The following VPS13B variants were observed in gnomAD, a reference collection of about 807,000 sequenced individuals.
The protein encoded by VPS13B is vacuolar protein sorting 13 homolog B.
VPS13B carries 285 observed loss-of-function variants against 426.4 expected under a neutral mutation model. That is an observed-to-expected ratio of 0.67 (90% CI 0.61 to 0.74). The LOEUF (loss-of-function observed/expected upper bound fraction) is 0.74, where lower values mean the gene tolerates loss of function less well. VPS13B is among the 30% of genes least tolerant of loss of function. The pLI is 0.00. For missense variants in VPS13B, 4,537 were observed against 4,782.6 expected, an observed-to-expected ratio of 0.95 and a Z score of 1.51; for synonymous variants, 1,676 against 1,676.4, an observed-to-expected ratio of 1.00 and a Z score of 0.01.
Position 99,861,804 on chromosome 8 carries a change from C to A in VPS13B, c.11073C>A (p.Ala3691=). 6.3e-7 allele frequency: 1 copy of A among 1,598,652 alleles called. No individual in the cohort carries two copies. The highest frequency in any genetic ancestry group is 8.5e-7 in the Non-Finnish European group (1 of 1,172,766). Residue 3691 remains alanine (A), a synonymous_variant, in exon 58 of 62, where the codon GCC becomes GCA. Transcript: ENST00000357162. ...KGTLTSITNL[A]TSLARNMDRL... is the part of the protein sequence containing the mutation. ...CCCTCACATCCATCACCAACCTCGC[C>A]ACAAGCCTGGCCCGGAACATGGACC...
chr8:99,606,024 C>A (rs541618144), intron 33 of VPS13B, among the ~76,000 whole-genome samples: 6 of 152,158 alleles, frequency 3.9e-5, no homozygotes, highest in African/African-American at 9.6e-5. Context: ...GCCTCCTGAG[C>A]AGCTGGGACT....
intron 17 of VPS13B, among the ~76,000 whole-genome samples, chr8:99,235,697 G>A (rs962978729): frequency 1.1e-4 from 17 of 152,140 alleles, no homozygotes; most frequent in African/African-American, 3.6e-4. Flanking sequence ...TAAGTGATGC[G>A]TTACATTAAA....
intron 25 of VPS13B, among the ~76,000 whole-genome samples, chr8:99,493,249 A>G (rs925057059): frequency 1.3e-5 from 2 of 152,054 alleles, no homozygotes; most frequent in Non-Finnish European, 2.9e-5. Flanking sequence ...TTTTTTTCTT[A>G]TAATAGCCTT....
chr8:99,409,286 G>C (rs551487923), intron 21 of VPS13B, among the ~76,000 whole-genome samples: 1 of 152,232 alleles, frequency 6.6e-6, no homozygotes, highest in South Asian at 2.1e-4. Flanking sequence ...TGGGTGATGA[G>C]GGGTATTGTT....
intron 47 of VPS13B, 140 bp from the exon 48 acceptor site, chr8:99,819,272 C>T: frequency 1.0e-6 from 1 of 986,140 alleles, no homozygotes; most frequent in East Asian, 2.6e-5. Context: ...CCAGATCATC[C>T]ACACACTGTC....
Position 99,111,181 on chromosome 8 carries a change from G to T in VPS13B, c.664G>T (p.Glu222Ter), listed in dbSNP as rs2132481787. ...TAAACGGAATGCCAGTGGTAAAATA[G>T]AATTTTACCAGGATCCTTTATTATA... ...LDKRNASGKI[E>*]FYQDPLLYKC... The change falls in exon 6 of 62, where the codon GAA (glutamate) becomes TAA (stop). Residue 222 changes from glutamate (E) to a stop codon, truncating the protein, a stop_gained. Transcript: ENST00000357162. LOFTEE classifies it high-confidence loss of function. The T allele has an allele frequency of 6.3e-7, 1 of 1,599,012 alleles. No homozygotes were observed. Among genetic ancestry groups the T allele is most frequent in the Middle Eastern group, 1.7e-4 (1 of 5,894 alleles).
intron 3 of VPS13B, among the ~76,000 whole-genome samples, chr8:99,067,524 A>G (rs1248798606): frequency 6.6e-6 from 1 of 152,148 alleles, no homozygotes; most frequent in African/African-American, 2.4e-5. Flanking sequence ...GGATAGCATT[A>G]GGAGAAATAC....
chr8:99,501,963 G>A, intron 26 of VPS13B, 105 bp downstream of exon 26: 1 of 1,244,384 alleles, frequency 8.0e-7, no homozygotes. Context: ...CTGTCTGTCT[G>A]TCTGTCTGTC....
chr8:99,530,751 A>C lies in VPS13B; in HGVS notation c.4745+9741A>C, dbSNP rs943869451. ...TGCCTACATCTCGGTCGAACCTCAT[A>C]ATAATCTCATGAGTCAGGTATTATG... On this transcript the variant is annotated intron_variant, in intron 30 of 61. Transcript: ENST00000357162. 2.0e-4 allele frequency among the ~76,000 whole-genome samples: 31 copies of C among 152,154 alleles called. 1 individual carries two copies. Among genetic ancestry groups the C allele is most frequent in the Admixed American group, 2.0e-3 (30 of 15,270 alleles).
intron 31 of VPS13B, among the ~76,000 whole-genome samples, chr8:99,566,048 G>T (rs906358463): frequency 6.6e-6 from 1 of 152,152 alleles, no homozygotes; most frequent in African/African-American, 2.4e-5. Flanking sequence ...GAAGGCAAAA[G>T]GATTCATGTT....
chr8:99,617,071 A>T (rs1217087295), intron 33 of VPS13B, among the ~76,000 whole-genome samples: 1 of 152,218 alleles, frequency 6.6e-6, no homozygotes, highest in Non-Finnish European at 1.5e-5. Context: ...GGCAGATTAT[A>T]AGTTAAATTT....
intron 17 of VPS13B, among the ~76,000 whole-genome samples, chr8:99,225,893 T>C (rs1321951247): frequency 1.3e-5 from 2 of 152,202 alleles, no homozygotes; most frequent in East Asian, 3.8e-4. Context: ...CATGATCATT[T>C]CATGACCTTC....
At chr8:99,491,908 G>T (rs953305519) in intron 25 of VPS13B, among the ~76,000 whole-genome samples, 1 of 152,118 alleles carries the variant, frequency 6.6e-6, no homozygotes, top group African/African-American at 2.4e-5. Context: ...TTCCATTGCT[G>T]GCGAGGACCT....
At chr8:99,762,586 T>C (rs73271377) in intron 39 of VPS13B, among the ~76,000 whole-genome samples, 2,552 of 152,320 alleles carry the variant, frequency 0.017, 64 homozygotes, top group African/African-American at 0.058. Context: ...TTTATTATTT[T>C]CTTCCAAGAA....
intron 3 of VPS13B, among the ~76,000 whole-genome samples, chr8:99,052,780 A>G (rs1843628776): frequency 6.6e-6 from 1 of 152,178 alleles, no homozygotes; most frequent in Non-Finnish European, 1.5e-5. Flanking sequence ...GTGTCGAAGA[A>G]TTTATCCATT....
intron 12 of VPS13B, among the ~76,000 whole-genome samples, chr8:99,142,689 C>T (rs1201589283): frequency 6.6e-6 from 1 of 151,932 alleles, no homozygotes; most frequent in Non-Finnish European, 1.5e-5. Context: ...TAGATATAAG[C>T]CAATTAGGTT....
intron 44 of VPS13B, among the ~76,000 whole-genome samples, chr8:99,809,796 C>T (rs1483722042): frequency 6.6e-6 from 1 of 152,164 alleles, no homozygotes; most frequent in Non-Finnish European, 1.5e-5. Context: ...CTGTCACCAC[C>T]TACCTTCTGG....
intron 45 of VPS13B, 44 bp downstream of exon 45, chr8:99,817,847 G>A: frequency 6.2e-7 from 1 of 1,613,616 alleles, no homozygotes; most frequent in Non-Finnish European, 8.5e-7. Context: ...CTTTACCATT[G>A]AAATTTTCTC....
intron 61 of VPS13B, among the ~76,000 whole-genome samples, chr8:99,874,485 A>C (rs553460526): frequency 6.6e-6 from 1 of 152,274 alleles, no homozygotes; most frequent in South Asian, 2.1e-4. Flanking sequence ...TTGTTACTGG[A>C]CCACACGCAG....
Sources: allele counts gnomAD v4.1 joint callset (sites outside exome capture counted in the v4.1 genomes callset), GRCh38; gene constraint gnomAD v4.1.1; transcripts MANE v1.5; gene names NCBI Gene and HGNC (gene_info 2026-07-23, HGNC 2026-07-21).